TRPC4AP: variants seen among roughly 807,000 people sequenced by gnomAD.
The protein encoded by TRPC4AP is transient receptor potential cation channel subfamily C member 4 associated protein, also known as short transient receptor potential channel 4-associated protein.
TRPC4AP carries 45 observed loss-of-function variants against 99.0 expected under a neutral mutation model. The ratio of observed to expected loss-of-function variants is 0.45; its 90% CI spans 0.36 to 0.58. TRPC4AP has a LOEUF of 0.58. Ranked by LOEUF, TRPC4AP falls within the 20% of genes least tolerant of loss-of-function variation. The pLI is 0.00. For missense variants in TRPC4AP, 879 were observed against 985.3 expected, an observed-to-expected ratio of 0.89 and a Z score of 1.44; for synonymous variants, 408 against 385.8, an observed-to-expected ratio of 1.06 and a Z score of -0.67.
chr20:35,092,056 G>A (rs1005639191), intron 1 of TRPC4AP, among the ~76,000 whole-genome samples: 1 of 152,052 alleles, frequency 6.6e-6, no homozygotes, highest in East Asian at 1.9e-4. Flanking sequence ...GCGAGAAAAA[G>A]GCAGACAACA....
chr20:35,030,745 T>C (rs1050423469), intron 8 of TRPC4AP, among the ~76,000 whole-genome samples: 1 of 152,246 alleles, frequency 6.6e-6, no homozygotes, highest in Non-Finnish European at 1.5e-5. Context: ...TGTTTCCATA[T>C]GTTATAGGTT....
chr20:35,092,323 T>C (rs113988952), intron 1 of TRPC4AP, among the ~76,000 whole-genome samples: 8 of 152,166 alleles, frequency 5.3e-5, no homozygotes, highest in African/African-American at 1.4e-4. Context: ...CCCAGACGTG[T>C]AGACGTGGCG....
intron 10 of TRPC4AP, among the ~76,000 whole-genome samples, chr20:35,013,603 A>C (rs1219139063): frequency 6.6e-6 from 1 of 152,028 alleles, no homozygotes; most frequent in African/African-American, 2.4e-5. Flanking sequence ...CAACAAACAA[A>C]ACAACACGTG....
intron 9 of TRPC4AP, among the ~76,000 whole-genome samples, chr20:35,018,011 A>G (rs1207764532): frequency 6.6e-6 from 1 of 152,134 alleles, no homozygotes; most frequent in African/African-American, 2.4e-5. Flanking sequence ...GCTGACATCT[A>G]TGGTGTTCAC....
chr20:35,068,973 ACAC>A (rs1569140257), intron 3 of TRPC4AP, among the ~76,000 whole-genome samples: 11 of 65,788 alleles, frequency 1.7e-4, no homozygotes, highest in African/African-American at 7.8e-4. Context: ...ACACACACAC[ACAC>A]ACAAAAAAAA....
intron 1 of TRPC4AP, among the ~76,000 whole-genome samples, chr20:35,084,678 A>G (rs546832067): frequency 0.032 from 4,416 of 136,904 alleles, 492 homozygotes; most frequent in African/African-American, 0.12. Flanking sequence ...ATATGTATAT[A>G]TGTTTATATG....
intron 4 of TRPC4AP, among the ~76,000 whole-genome samples, chr20:35,055,502 T>C (rs1402131922): frequency 1.3e-5 from 2 of 152,238 alleles, no homozygotes; most frequent in Non-Finnish European, 1.5e-5. Context: ...ATCTAAAGTA[T>C]AGGCATCTTT....
At chr20:35,071,528 G>C (rs888668194) in intron 2 of TRPC4AP, among the ~76,000 whole-genome samples, 1 of 147,920 alleles carries the variant, frequency 6.8e-6, no homozygotes, top group African/African-American at 2.5e-5. Context: ...GAGAACACAC[G>C]GTGTTTGGTT....
At chr20:35,070,472 G>A (rs1383867246) in intron 2 of TRPC4AP, among the ~76,000 whole-genome samples, 5 of 151,366 alleles carry the variant, frequency 3.3e-5, no homozygotes, top group Non-Finnish European at 7.4e-5. Flanking sequence ...GTGCAGTGGC[G>A]CGATCTCGGC....
intron 1 of TRPC4AP, among the ~76,000 whole-genome samples, chr20:35,088,708 C>T (rs2084955500): frequency 6.6e-6 from 1 of 152,102 alleles, no homozygotes; most frequent in Admixed American, 6.5e-5. Flanking sequence ...ATCTTGGTCA[C>T]CCTGCTAGGA....
Position 35,047,828 on chromosome 20 carries a change from C to A in TRPC4AP, c.657+2038G>T, listed in dbSNP as rs925393355. On this transcript the variant is annotated intron_variant, in intron 6 of 18. Coordinates refer to ENST00000252015, the MANE Select transcript of TRPC4AP (RefSeq NM_015638.3). ...ATCACTGTTCTAGGACTGAGCTTCC[C>A]CACAAGTGTGTCCAGGCACAGGTTA... is the stretch of plus-strand genomic sequence containing the variant. Among the ~76,000 whole-genome samples, 18 of 152,116 alleles carry A rather than the reference C, an allele frequency of 1.2e-4. 1 individual carries two copies. The highest frequency in any genetic ancestry group is 7.2e-4 in the Admixed American group (11 of 15,266).
chr20:35,049,990 T>A lies in TRPC4AP; in HGVS notation c.533A>T (p.Glu178Val), dbSNP rs777341223. Residue 178 changes from glutamate (E) to valine (V), a missense_variant, in exon 6 of 19, where the codon GAG becomes GTG. By Grantham distance (121) the Glu-to-Val change is moderately radical. Coordinates refer to ENST00000252015, the MANE Select transcript of TRPC4AP (RefSeq NM_015638.3). ...TTCTGCCAAACGCTTTGTAACTCCC[T>A]CTGTCTGTCACAAGAAGAAAAGGCA... ...SILYNTCVCT[E>V]GVTKRLAEKN... is the part of the protein sequence containing the mutation. The A allele has an allele frequency of 2.5e-6, 4 of 1,613,410 alleles. No individual in the cohort carries two copies. In the South Asian group the frequency reaches 4.4e-5, roughly 18 times the overall value.
chr20:35,080,970 T>G (rs997553758), intron 1 of TRPC4AP, among the ~76,000 whole-genome samples: 1 of 152,184 alleles, frequency 6.6e-6, no homozygotes, highest in African/African-American at 2.4e-5. Context: ...TAAAACCAGA[T>G]TGTGGTGATG....
At chr20:35,028,120 T>C (rs1277101224) in intron 8 of TRPC4AP, among the ~76,000 whole-genome samples, 1 of 152,240 alleles carries the variant, frequency 6.6e-6, no homozygotes, top group Non-Finnish European at 1.5e-5. Context: ...AATGTAGGCA[T>C]TTATAGCTCT....
intron 7 of TRPC4AP, among the ~76,000 whole-genome samples, chr20:35,043,226 C>T (rs1304346600): frequency 6.6e-6 from 1 of 151,090 alleles, no homozygotes; most frequent in Non-Finnish European, 1.5e-5. Flanking sequence ...TTTGTTATTA[C>T]AAATAATGTT....
chr20:35,063,982 T>C (rs1173074462), intron 3 of TRPC4AP, among the ~76,000 whole-genome samples: 3 of 152,308 alleles, frequency 2.0e-5, no homozygotes, highest in Non-Finnish European at 4.4e-5. Flanking sequence ...TTAACAGTGG[T>C]TGAATTTTGG....
Position 35,023,236 on chromosome 20 carries a change from A to C in TRPC4AP, c.1052-1880T>G, listed in dbSNP as rs181117229. Among the ~76,000 whole-genome samples the C allele has an allele frequency of 3.7e-4, 56 of 152,238 alleles. No individual in the cohort carries two copies. In the South Asian group the frequency reaches 3.7e-3, roughly 10 times the overall value. ...ATTCACTAGCCGGGTGGTCTTCAGT[A>C]AATCAGTGGACCTCTCTGTGCTTCA... On this transcript the variant is annotated intron_variant, in intron 8 of 18. Coordinates refer to ENST00000252015, the MANE Select transcript of TRPC4AP (RefSeq NM_015638.3).
chr20:35,047,545 T>C lies in TRPC4AP; in HGVS notation c.657+2321A>G, dbSNP rs536519017. ...GAGACTTGGTTTCAGTTTTTTGTTC[T>C]GAAACAACGAAGCTACAAATGTTCT... On this transcript the variant is annotated intron_variant, in intron 6 of 18. Coordinates refer to ENST00000252015, the MANE Select transcript of TRPC4AP (RefSeq NM_015638.3). Among the ~76,000 whole-genome samples the C allele has an allele frequency of 5.3e-5, 8 of 152,352 alleles. No homozygotes were observed. The South Asian group carries it at 1.4e-3, about 28-fold the overall frequency.
intron 3 of TRPC4AP, among the ~76,000 whole-genome samples, chr20:35,063,854 A>C (rs557598434): frequency 6.6e-6 from 1 of 152,250 alleles, no homozygotes; most frequent in East Asian, 1.9e-4. Flanking sequence ...GTGCAACTCT[A>C]TCTCTAAAAT....
Sources: gnomAD v4.1 joint callset for allele counts (sites outside exome capture counted in the v4.1 genomes callset) on GRCh38, gnomAD v4.1.1 for gene constraint, MANE v1.5 for transcripts, NCBI Gene and HGNC (gene_info 2026-07-23, HGNC 2026-07-21) for gene names.